The following ZNF804B variants were observed in gnomAD, a reference collection of about 807,000 sequenced individuals.
ZNF804B encodes zinc finger 804B.
In ZNF804B, 80 loss-of-function variants were observed where a neutral mutation model predicts 101.4. The observed-to-expected ratio is 0.79, with a 90% CI of 0.66 to 0.95. ZNF804B has a LOEUF of 0.95. ZNF804B is among the 40% of genes least tolerant of loss of function. ZNF804B has a pLI of 0.00. For missense variants in ZNF804B, 1,673 were observed against 1,561.9 expected (o/e 1.07, Z -1.20); for synonymous variants, 622 against 558.8 (o/e 1.11, Z -1.59).
chr7:89,116,212 C>T (rs998315031), intron 1 of ZNF804B, among the ~76,000 whole-genome samples: 5 of 152,026 alleles, frequency 3.3e-5, no homozygotes, highest in South Asian at 4.1e-4. Context: ...CCGTGCCAAG[C>T]CACGGTTTTT....
rs74564278 is a variant in ZNF804B at position 89,335,836 on chromosome 7, A to G, written c.2854A>G (p.Lys952Glu). 0.021 allele frequency: 34,618 copies of G among 1,614,072 alleles called. 1,065 individuals are homozygous for G. Among genetic ancestry groups the G allele is most frequent in the South Asian group, 0.1 (9,413 of 91,088 alleles). Reference protein sequence around the residue: ...SNVEISSNSCKSELEAPSQVP... With the variant: ...SNVEISSNSCESELEAPSQVP... ...TGTTGAGATCTCTTCAAACAGTTGT[A>G]AAAGTGAATTAGAGGCTCCTTCGCA... The change falls in exon 4 of 4, where the codon AAA becomes GAA. Residue 952 changes from lysine (K) to glutamate (E), a missense_variant. By Grantham distance (56) the Lys-to-Glu change is moderately conservative. Coordinates refer to ENST00000333190, the MANE Select transcript of ZNF804B (RefSeq NM_181646.5).
chr7:89,214,974 A>G (rs1241506735), intron 1 of ZNF804B, among the ~76,000 whole-genome samples: 2 of 152,222 alleles, frequency 1.3e-5, no homozygotes, highest in African/African-American at 4.8e-5. Context: ...CAAAACATGA[A>G]ATTACTAAAT....
At chr7:88,919,873 A>T (rs1792694312) in intron 1 of ZNF804B, among the ~76,000 whole-genome samples, 1 of 152,126 alleles carries the variant, frequency 6.6e-6, no homozygotes, top group Non-Finnish European at 1.5e-5. Flanking sequence ...GAAGAAAAGT[A>T]GTTGAATTTG....
At chr7:89,317,162 G>A (rs1162299074) in intron 2 of ZNF804B, among the ~76,000 whole-genome samples, 2 of 152,196 alleles carry the variant, frequency 1.3e-5, no homozygotes, top group African/African-American at 2.4e-5. Context: ...GAGTGAGGTA[G>A]GAGGTCATTA....
chr7:89,205,906 AG>A (rs1399013554), intron 1 of ZNF804B, among the ~76,000 whole-genome samples: 3 of 152,198 alleles, frequency 2.0e-5, no homozygotes, highest in Non-Finnish European at 4.4e-5. Flanking sequence ...GTTCTCCACA[AG>A]GCCCCACCCC....
At chr7:89,117,234 A>G (rs1790324796) in intron 1 of ZNF804B, among the ~76,000 whole-genome samples, 2 of 152,214 alleles carry the variant, frequency 1.3e-5, no homozygotes, top group South Asian at 4.1e-4. Context: ...CTCCAGAAAT[A>G]TGACAGAATA....
At chr7:89,295,367 C>G (rs1262142696) in intron 2 of ZNF804B, among the ~76,000 whole-genome samples, 1 of 152,134 alleles carries the variant, frequency 6.6e-6, no homozygotes. Context: ...CAGATTGCCT[C>G]AAAGCTTTCT....
intron 1 of ZNF804B, among the ~76,000 whole-genome samples, chr7:88,897,952 G>A (rs1792314613): frequency 6.6e-6 from 1 of 150,862 alleles, no homozygotes; most frequent in African/African-American, 2.4e-5. Context: ...TAAGTATTTA[G>A]CAGCATACCT....
At chr7:89,166,775 G>T (rs752470710) in intron 1 of ZNF804B, among the ~76,000 whole-genome samples, 1 of 152,132 alleles carries the variant, frequency 6.6e-6, no homozygotes, top group African/African-American at 2.4e-5. Context: ...TTGGAGAGAT[G>T]AACTTCCCAA....
intron 1 of ZNF804B, among the ~76,000 whole-genome samples, chr7:89,014,080 T>A (rs1229771719): frequency 2.0e-5 from 3 of 152,188 alleles, no homozygotes; most frequent in Non-Finnish European, 4.4e-5. Flanking sequence ...AGTAGTGGAA[T>A]TGTTGAATCA....
chr7:88,963,261 A>G (rs1793413146), intron 1 of ZNF804B, among the ~76,000 whole-genome samples: 1 of 151,368 alleles, frequency 6.6e-6, no homozygotes, highest in Non-Finnish European at 1.5e-5. Flanking sequence ...TTCCTGATTT[A>G]AAAACATGTA....
intron 1 of ZNF804B, among the ~76,000 whole-genome samples, chr7:88,884,733 CAT>C (rs1014976275): frequency 9.2e-5 from 14 of 151,692 alleles, no homozygotes; most frequent in Non-Finnish European, 1.2e-4. Context: ...TGTAATTTAA[CAT>C]GTTTTCATGC....
At chr7:89,005,347 G>A (rs1327082443) in intron 1 of ZNF804B, among the ~76,000 whole-genome samples, 1 of 151,896 alleles carries the variant, frequency 6.6e-6, no homozygotes, top group South Asian at 2.1e-4. Context: ...CACAGATTTT[G>A]TTGTTGTTGT....
chr7:88,908,043 C>A (rs2115968510), intron 1 of ZNF804B, among the ~76,000 whole-genome samples: 1 of 151,750 alleles, frequency 6.6e-6, no homozygotes, highest in Admixed American at 6.6e-5. Flanking sequence ...ATAACATTTA[C>A]CAAATGCACT....
chr7:89,176,256 A>G (rs1016357795), intron 1 of ZNF804B, among the ~76,000 whole-genome samples: 1 of 151,922 alleles, frequency 6.6e-6, no homozygotes, highest in African/African-American at 2.4e-5. Context: ...GTGTAGAGGT[A>G]TGTTCATTCC....
intron 1 of ZNF804B, among the ~76,000 whole-genome samples, chr7:89,048,635 A>G (rs1562870425): frequency 6.6e-6 from 1 of 151,958 alleles, no homozygotes; most frequent in Non-Finnish European, 1.5e-5. Context: ...ATTTAATTAG[A>G]AATACTCCTG....
intron 1 of ZNF804B, among the ~76,000 whole-genome samples, chr7:88,976,795 G>A (rs1793620596): frequency 1.3e-5 from 2 of 151,558 alleles, no homozygotes; most frequent in Admixed American, 6.6e-5. Context: ...ATAAAAATGG[G>A]CATCTGTTTC....
At chr7:89,324,466 C>T (rs954820085) in intron 2 of ZNF804B, among the ~76,000 whole-genome samples, 23 of 151,760 alleles carry the variant, frequency 1.5e-4, no homozygotes, top group Non-Finnish European at 2.4e-4. Flanking sequence ...GTTGACCTCA[C>T]GCTTTTATCC....
chr7:89,260,265 A>G (rs1382668250), intron 2 of ZNF804B, among the ~76,000 whole-genome samples: 2 of 152,184 alleles, frequency 1.3e-5, no homozygotes. Flanking sequence ...ATTTACAGTA[A>G]ACAGTAAAGT....
Sources: allele counts gnomAD v4.1 joint callset (sites outside exome capture counted in the v4.1 genomes callset), GRCh38; gene constraint gnomAD v4.1.1; transcripts MANE v1.5; gene names NCBI Gene and HGNC (gene_info 2026-07-23, HGNC 2026-07-21).